NHSL1: variants seen among roughly 807,000 people sequenced by gnomAD.
NHSL1 encodes NHS-like protein 1.
A neutral mutation model predicts 95.0 loss-of-function variants in NHSL1; 48 were observed. The ratio of observed to expected loss-of-function variants is 0.51; its 90% confidence interval spans 0.40 to 0.64. NHSL1 has a LOEUF of 0.64. NHSL1 is among the 30% of genes least tolerant of loss of function. NHSL1 has a pLI of 0.00. For missense variants in NHSL1, 1,971 were observed against 2,077.7 expected, an observed-to-expected ratio of 0.95 and a Z score of 1.00; for synonymous variants, 783 against 833.9, an observed-to-expected ratio of 0.94 and a Z score of 1.05.
At chr6:138,437,428 A>G (rs1219871849) in intron 5 of NHSL1, among the ~76,000 whole-genome samples, 1 of 36,274 alleles carries the variant, frequency 2.8e-5, no homozygotes, top group African/African-American at 1.1e-4. Flanking sequence ...ACACACACAC[A>G]CACACACACA....
chr6:138,501,298 A>G (rs1192665878), upstream of NHSL1, among the ~76,000 whole-genome samples: 2 of 152,218 alleles, frequency 1.3e-5, no homozygotes, highest in Non-Finnish European at 2.9e-5. Context: ...TCATTGGGAT[A>G]CATCATTGGA....
At chr6:138,620,510 T>G (rs1784641438) in intron 1 of NHSL1, among the ~76,000 whole-genome samples, 1 of 152,154 alleles carries the variant, frequency 6.6e-6, no homozygotes, top group Non-Finnish European at 1.5e-5. Context: ...AAAGCTAAAC[T>G]TTGTATCATT....
intron 1 of NHSL1, among the ~76,000 whole-genome samples, chr6:138,592,837 T>A (rs1216015137): frequency 2.6e-5 from 4 of 152,090 alleles, no homozygotes; most frequent in African/African-American, 9.7e-5. Context: ...GGAGCAAAAA[T>A]TTTGCCTGTA....
chr6:138,528,869 T>C (rs899892877), intron 1 of NHSL1, among the ~76,000 whole-genome samples: 15 of 152,190 alleles, frequency 9.9e-5, no homozygotes, highest in Non-Finnish European at 1.6e-4. Context: ...ATTAGTATGT[T>C]TCCAGTGTTT....
intron 1 of NHSL1, among the ~76,000 whole-genome samples, chr6:138,554,824 ACCT>A (rs1783135915): frequency 6.6e-6 from 1 of 152,136 alleles, no homozygotes; most frequent in Non-Finnish European, 1.5e-5. Context: ...TCCCCCTTTA[ACCT>A]TAGTGACAAC....
intron 1 of NHSL1, among the ~76,000 whole-genome samples, chr6:138,584,866 C>G (rs1784110250): frequency 6.6e-6 from 1 of 152,156 alleles, no homozygotes; most frequent in Admixed American, 6.5e-5. Flanking sequence ...CCTTCCTAAT[C>G]GTCCTCCTCC....
intron 1 of NHSL1, among the ~76,000 whole-genome samples, chr6:138,640,311 C>T (rs142615378): frequency 3.5e-4 from 54 of 152,242 alleles, no homozygotes; most frequent in South Asian, 1.2e-3. Flanking sequence ...CAAACTTATT[C>T]TGTAATTTCT....
rs72977115 is a variant in NHSL1 at position 138,634,283 on chromosome 6, C to T, written c.96+58193G>A. ...AGAGAGCAGTTGAATGGATAAAAAACAAGACTCAATAATCGGTTGCCTCCA... is the reference window on the plus strand; with the variant it reads ...AGAGAGCAGTTGAATGGATAAAAAATAAGACTCAATAATCGGTTGCCTCCA... On this transcript the variant is annotated intron_variant, in intron 1 of 3. Transcript: ENST00000491526. Among the ~76,000 whole-genome samples, 266 of 151,470 alleles carry T rather than the reference C, an allele frequency of 1.8e-3. 1 individual carries two copies. Among genetic ancestry groups the T allele is most frequent in the South Asian group, 0.011 (54 of 4,772 alleles).
At chr6:138,482,821 GT>G (rs1779509511) in intron 2 of NHSL1, among the ~76,000 whole-genome samples, 1 of 152,190 alleles carries the variant, frequency 6.6e-6, no homozygotes, top group African/African-American at 2.4e-5. Flanking sequence ...GGACTAAAGG[GT>G]TACATTCCCG....
chr6:138,610,560 T>TATATATATATATATATATA (rs1554256222), intron 1 of NHSL1, among the ~76,000 whole-genome samples: 4 of 64,610 alleles, frequency 6.2e-5, no homozygotes, highest in African/African-American at 3.2e-4. Flanking sequence ...TATATATATA[T>TATATATATATATATATATA]TATATATATA....
chr6:138,506,863 ACTT>A (rs1461133853), intron 1 of NHSL1, among the ~76,000 whole-genome samples: 1 of 152,224 alleles, frequency 6.6e-6, no homozygotes, highest in Non-Finnish European at 1.5e-5. Context: ...TAAAAAAACT[ACTT>A]AAGATTAATC....
Position 138,431,097 on chromosome 6 carries a change from T to C in NHSL1, c.3248A>G (p.Lys1083Arg). The C allele has an allele frequency of 6.4e-7, 1 of 1,551,884 alleles. No homozygotes were observed. Among genetic ancestry groups the C allele is most frequent in the Non-Finnish European group, 8.7e-7 (1 of 1,147,036 alleles). The change falls in exon 6 of 8, where the codon AAG becomes AGG. Residue 1083 changes from lysine to arginine, a missense_variant. Physicochemically the swap from Lys to Arg is conservative, Grantham distance 26. Around this residue, in one of 3 missense-constraint regions of NHSL1, gnomAD observed 1,602 missense variants for 1,654.5 expected, o/e 0.97. Coordinates refer to ENST00000343505, the MANE Select transcript of NHSL1 (RefSeq NM_001144060.2). This position sits in a 1 kb window ranked among gnomAD's most constrained non-coding sequence, Gnocchi z 4.0. ...LQMVQLRPVR[K>R]NSGAEAAQLS... ...CTGTGCCGCCTCAGCGCCTGAGTTC[T>C]TTCTCACGGGCCTCAACTGCACCAT...
intron 1 of NHSL1, among the ~76,000 whole-genome samples, chr6:138,624,781 A>G (rs1784713233): frequency 6.6e-6 from 1 of 152,160 alleles, no homozygotes; most frequent in Non-Finnish European, 1.5e-5. Context: ...TGAGCATCCT[A>G]AACTGCAGCA....
chr6:138,454,165 C>T (rs1777423761), intron 3 of NHSL1, among the ~76,000 whole-genome samples: 1 of 151,850 alleles, frequency 6.6e-6, no homozygotes, highest in Admixed American at 6.6e-5. Flanking sequence ...TTTTGTGTTC[C>T]TAATTACTCC....
chr6:138,637,259 G>C (rs1456409839), intron 1 of NHSL1, among the ~76,000 whole-genome samples: 2 of 152,072 alleles, frequency 1.3e-5, no homozygotes, highest in Non-Finnish European at 2.9e-5. Flanking sequence ...AAAGATTAAA[G>C]ACTTCAATCT....
At position 138,543,499 on chromosome 6, in the gene NHSL1, G is replaced by A. The variant is rs186215558; in HGVS notation, c.16+2124C>T. Among the ~76,000 whole-genome samples, 3 of 152,328 alleles carry A rather than the reference G, an allele frequency of 2.0e-5. No homozygotes were observed. The East Asian group carries it at 5.8e-4, about 29-fold the overall frequency. On this transcript the variant is annotated intron_variant, in intron 1 of 4. Transcript: ENST00000342260. ...AGGAAATCCTGCATCAATGTGGGAA[G>A]CGATCTGATTTAAATATTTTCTTTC...
chr6:138,422,879 C>T lies in NHSL1; in HGVS notation c.*1202G>A, dbSNP rs1253449280. The T allele has an allele frequency of 2.0e-5, 3 of 151,944 alleles. No homozygotes were observed. The highest frequency in any genetic ancestry group is 4.4e-5 in the Non-Finnish European group (3 of 68,002). 9.4% of individuals were successfully genotyped at this position (151,944 alleles called of 1,614,324 possible). On this transcript the variant is annotated 3_prime_UTR_variant, in exon 8 of 8. Coordinates refer to ENST00000343505, the MANE Select transcript of NHSL1 (RefSeq NM_001144060.2). ...TACCAATTTTTATCAGTTTATTTGA[C>T]TAACAAGAGCTATTCAGCATTTTCT...
chr6:138,630,480 G>A (rs2114657085), intron 1 of NHSL1, among the ~76,000 whole-genome samples: 1 of 152,110 alleles, frequency 6.6e-6, no homozygotes, highest in Non-Finnish European at 1.5e-5. Context: ...CCGCCTCCCT[G>A]ATTCATGTGA....
chr6:138,633,427 C>T lies in NHSL1; in HGVS notation c.96+59049G>A, dbSNP rs1020141677. 2.0e-5 allele frequency among the ~76,000 whole-genome samples: 3 copies of T among 152,102 alleles called. No individual in the cohort carries two copies. In the East Asian group the frequency reaches 5.8e-4, roughly 29 times the overall value. Reference sequence around the variant, plus strand: ...ACTCCCAAAGGATAAAGAAAAGATCCTAAAAGCAGCAAGGAAAAAGAAACA... The same window carrying T: ...ACTCCCAAAGGATAAAGAAAAGATCTTAAAAGCAGCAAGGAAAAAGAAACA... On this transcript the variant is annotated intron_variant, in intron 1 of 3. Coordinates refer to the NHSL1 transcript ENST00000491526.
Sources: allele counts gnomAD v4.1 joint callset (sites outside exome capture counted in the v4.1 genomes callset), GRCh38; gene constraint gnomAD v4.1.1; regional missense constraint gnomAD v4.1.1; non-coding constraint Gnocchi (gnomAD v3.1); transcripts MANE v1.5; gene names NCBI Gene and HGNC (gene_info 2026-07-23, HGNC 2026-07-21).